Variants in SECISBP2 observed in about 807,000 individuals in gnomAD.
SECISBP2 encodes the protein selenocysteine insertion sequence-binding protein 2.
In SECISBP2, 96 loss-of-function variants were observed where a neutral mutation model predicts 98.2. The observed-to-expected ratio is 0.98, with a 90% CI of 0.83 to 1.16. The LOEUF is 1.16. Ranked by LOEUF, SECISBP2 falls within the 50% of genes most tolerant of loss-of-function variation. SECISBP2 has a pLI of 0.00. For synonymous variants in SECISBP2, 407 were observed against 370.2 expected (o/e 1.10, Z -1.14); for missense variants, 1,046 against 1,022.9 (o/e 1.02, Z -0.31).
At position 89,329,257 on chromosome 9, in the gene SECISBP2, C is replaced by T. The variant is rs141782074; in HGVS notation, c.801+371C>T. The T allele has an allele frequency of 9.0e-3, 2,222 of 245,688 alleles. 18 individuals are homozygous for T. The highest frequency in any genetic ancestry group is 0.018 in the South Asian group (374 of 21,310). 15.2% of individuals were successfully genotyped at this position (245,688 alleles called of 1,614,324 possible). ...CCTCTCGAGTAGCTGGGACTACGGG[C>T]GCACACTGCCACGCTGGCTAATTTT... On this transcript the variant is annotated intron_variant, in intron 5 of 16. Coordinates refer to ENST00000375807, the MANE Select transcript of SECISBP2 (RefSeq NM_024077.5).
At chr9:89,337,386 T>TAAC (rs1422712841) in intron 7 of SECISBP2, among the ~76,000 whole-genome samples, 1 of 152,198 alleles carries the variant, frequency 6.6e-6, no homozygotes, top group Non-Finnish European at 1.5e-5. Flanking sequence ...ATGATAAGTG[T>TAAC]AACACTTCAG....
chr9:89,358,335 G>A, intron 16 of SECISBP2, 144 bp downstream of exon 16: 1 of 830,238 alleles, frequency 1.2e-6, no homozygotes, highest in Non-Finnish European at 2.0e-6. Context: ...TTGCCTAAGA[G>A]GTATTATCAG....
downstream of SECISBP2, among the ~76,000 whole-genome samples, chr9:89,360,414 C>T (rs1298709682): frequency 5.3e-5 from 8 of 152,222 alleles, no homozygotes; most frequent in African/African-American, 1.9e-4. Context: ...CAGCTGCACT[C>T]AGCAGCTAGA....
intron 9 of SECISBP2, 82 bp downstream of exon 9, chr9:89,340,035 A>G (rs1829422075): frequency 1.0e-6 from 1 of 998,170 alleles, no homozygotes; most frequent in Admixed American, 1.8e-5. Context: ...ACTGCTTTCC[A>G]GACATTTCTG....
downstream of SECISBP2, chr9:89,363,958 C>G (rs1833162482): frequency 1.9e-6 from 3 of 1,613,948 alleles, no homozygotes; most frequent in Non-Finnish European, 2.5e-6. Context: ...GACCTGGGGA[C>G]ACAGACCGTT....
In SECISBP2 at chr9:89,357,542, A is replaced by T; in HGVS notation, c.2245A>T (p.Ile749Phe). The part of the protein sequence containing the change: ...NKAVPVSVVG[I>F]FSYDGAQDQF... ...GGCAGTTCCTGTCAGTGTGGTGGGG[A>T]TCTTCAGCTATGATGGGGCCCAGGT... Residue 749 changes from isoleucine (I) to phenylalanine (F), a missense_variant, in exon 15 of 17, where the codon ATC becomes TTC. Coordinates refer to ENST00000375807, the MANE Select transcript of SECISBP2 (RefSeq NM_024077.5). 1.2e-6 allele frequency: 2 copies of T among 1,613,830 alleles called. No individual in the cohort carries two copies. The highest frequency in any genetic ancestry group is 1.7e-6 in the Non-Finnish European group (2 of 1,179,978).
At chr9:89,341,515 A>C (rs1177708098) in intron 10 of SECISBP2, 36 bp downstream of exon 10, 1 of 1,612,946 alleles carries the variant, frequency 6.2e-7, no homozygotes, top group South Asian at 1.1e-5. Flanking sequence ...AAGTGATTGG[A>C]AGTCTTTTTC....
At chr9:89,325,343 G>T in intron 2 of SECISBP2, 84 bp from the exon 3 acceptor site, 1 of 1,268,932 alleles carries the variant, frequency 7.9e-7, no homozygotes, top group Non-Finnish European at 1.1e-6. Flanking sequence ...AATATTAAAT[G>T]TTCAGTTTGA....
At chr9:89,362,453 A>G (rs1402636992), downstream of SECISBP2, 1 of 1,613,942 alleles carries the variant, frequency 6.2e-7, no homozygotes, top group Non-Finnish European at 8.5e-7. Context: ...TGGTCTTTGA[A>G]TCCTTGGTGG....
chr9:89,333,405 A>C (rs1248148843), intron 6 of SECISBP2, among the ~76,000 whole-genome samples: 1 of 152,388 alleles, frequency 6.6e-6, no homozygotes, highest in East Asian at 1.9e-4. Context: ...AATTAAGCGT[A>C]TTGCATTTTA....
chr9:89,320,383 C>G (rs1038738868), intron 2 of SECISBP2, among the ~76,000 whole-genome samples: 1 of 148,498 alleles, frequency 6.7e-6, no homozygotes, highest in Non-Finnish European at 1.5e-5. Flanking sequence ...AAAAAAAATC[C>G]CGTTTCAAGG....
downstream of SECISBP2, chr9:89,364,002 A>T (rs759619926): frequency 4.3e-6 from 7 of 1,613,722 alleles, no homozygotes; most frequent in Non-Finnish European, 5.1e-6. Context: ...GACCCAAAGA[A>T]GCTGCCCCAT....
chr9:89,333,075 G>A, intron 6 of SECISBP2, 89 bp downstream of exon 6: 2 of 1,145,944 alleles, frequency 1.7e-6, no homozygotes, highest in African/African-American at 1.5e-5. Context: ...AATGATTTTT[G>A]TTGTAAAGAC....
At chr9:89,334,476 AT>A in intron 6 of SECISBP2, 45 bp from the exon 7 acceptor site, 9 of 1,501,968 alleles carry the variant, frequency 6.0e-6, no homozygotes, top group Non-Finnish European at 8.3e-6. Context: ...AGGAATTTCT[AT>A]TTTACTGTTG....
chr9:89,349,700 G>T, intron 12 of SECISBP2, 76 bp from the exon 13 acceptor site: 1 of 1,505,202 alleles, frequency 6.6e-7, no homozygotes, highest in South Asian at 1.1e-5. Flanking sequence ...GCATCGGTGA[G>T]ACTGCATTGG....
chr9:89,324,066 C>T (rs1199876653), intron 2 of SECISBP2: 1 of 152,180 alleles, frequency 6.6e-6, no homozygotes, highest in African/African-American at 2.4e-5. Flanking sequence ...TTGGGACAGT[C>T]TTTTTCACAT....
At chr9:89,319,522 G>A (rs988887229) in intron 1 of SECISBP2, 130 bp from the exon 2 acceptor site, 3 of 1,043,300 alleles carry the variant, frequency 2.9e-6, no homozygotes, top group East Asian at 2.4e-5. Context: ...TTGTCTTTAC[G>A]AGGCAGAAGT....
Position 89,338,571 on chromosome 9 carries a change from A to G in SECISBP2, c.1203A>G (p.Pro401=), listed in dbSNP as rs1339588003. 6.2e-7 allele frequency: 1 copy of G among 1,611,956 alleles called. No individual in the cohort carries two copies. Residue 401 remains proline, a synonymous_variant, in exon 8 of 17, where the codon CCA becomes CCG. Transcript: ENST00000375807. ...AAGTCCTGACAGTTCAAGAGCCTCC[A>G]AGGATTGAAGTACATTTATATTTTT... ...KYEVLTVQEP[P]RIEDAEEFPN...
chr9:89,333,109 G>A lies in SECISBP2; in HGVS notation c.880+123G>A, dbSNP rs76900616. 459 of 799,024 alleles carry A rather than the reference G, an allele frequency of 5.7e-4. 2 individuals carry two copies. In the African/African-American group the frequency reaches 7.2e-3, roughly 13 times the overall value. The allele number at this position is 799,024 out of a possible 1,614,324, so 49.5% of individuals were successfully genotyped here. On this transcript the variant is annotated intron_variant, in intron 6 of 16. Transcript: ENST00000375807. ...ACTTAAGACAGCTAATGAATTGTGG[G>A]TAACCTAACATCAGTGTTAGTTTAG...
Sources: allele counts gnomAD v4.1 joint callset (sites outside exome capture counted in the v4.1 genomes callset), GRCh38; gene constraint gnomAD v4.1.1; transcripts MANE v1.5; gene names NCBI Gene and HGNC (gene_info 2026-07-23, HGNC 2026-07-21).